TLN2: variants seen among roughly 807,000 people sequenced by gnomAD.
TLN2 encodes the protein talin 2, also known as talin-2.
A neutral mutation model predicts 294.7 loss-of-function variants in TLN2; 118 were observed. That is an observed-to-expected ratio of 0.40 (90% confidence interval 0.34 to 0.47). The LOEUF (loss-of-function observed/expected upper bound fraction) is 0.47. TLN2 is among the 20% of genes least tolerant of loss of function. The probability of loss-of-function intolerance (pLI) is 0.84; values close to 1 mark genes in which losing one functional copy is unlikely to be tolerated. For missense variants in TLN2, 3,083 were observed against 3,282.2 expected (o/e 0.94, Z 1.48); for synonymous variants, 1,431 against 1,304.5 (o/e 1.10, Z -2.09).
At chr15:62,729,046 G>T (rs1480494960) in intron 28 of TLN2, among the ~76,000 whole-genome samples, 2 of 152,132 alleles carry the variant, frequency 1.3e-5, no homozygotes, top group East Asian at 3.8e-4. Flanking sequence ...TCATTTAATT[G>T]TTTTTCCACA....
chr15:62,736,829 G>A (rs1048403447), intron 28 of TLN2, 49 bp from the exon 29 acceptor site: 8 of 1,585,768 alleles, frequency 5.0e-6, no homozygotes, highest in East Asian at 2.2e-5. Flanking sequence ...AGTAAAATGT[G>A]CCATTTAGAT....
chr15:62,469,623 C>T (rs1248730345), intron 1 of TLN2, among the ~76,000 whole-genome samples: 2 of 152,196 alleles, frequency 1.3e-5, no homozygotes, highest in African/African-American at 4.8e-5. Context: ...AAACTCTCCT[C>T]TTGTTCAGGC....
chr15:62,673,003 AT>A (rs535733243), intron 9 of TLN2, among the ~76,000 whole-genome samples: 1 of 151,416 alleles, frequency 6.6e-6, no homozygotes, highest in Non-Finnish European at 1.5e-5. Flanking sequence ...AGCAACCATA[AT>A]TACTCATTTA....
intron 2 of TLN2, among the ~76,000 whole-genome samples, chr15:62,597,411 C>T (rs1596297215): frequency 1.3e-5 from 2 of 152,312 alleles, no homozygotes; most frequent in East Asian, 3.9e-4. Context: ...CACCCTTTTG[C>T]CCCTCAGTGG....
At chr15:62,551,547 CAA>C (rs2042311458) in intron 1 of TLN2, among the ~76,000 whole-genome samples, 1 of 138,400 alleles carries the variant, frequency 7.2e-6, no homozygotes. Context: ...CACACACACA[CAA>C]ATAGCCAGAT....
intron 15 of TLN2, 149 bp downstream of exon 15, chr15:62,698,017 G>A: frequency 9.8e-7 from 1 of 1,023,840 alleles, no homozygotes; most frequent in Non-Finnish European, 1.4e-6. Flanking sequence ...TTTTTAAATT[G>A]GATGACTCGG....
intron 43 of TLN2, among the ~76,000 whole-genome samples, chr15:62,779,151 C>T (rs550963273): frequency 5.9e-5 from 9 of 152,190 alleles, no homozygotes; most frequent in African/African-American, 2.2e-4. Context: ...CACTGTGGAG[C>T]TTCTCTTTGA....
intron 35 of TLN2, 30 bp from the exon 36 acceptor site, chr15:62,753,743 T>C (rs1278483265): frequency 1.3e-6 from 2 of 1,582,384 alleles, no homozygotes; most frequent in Non-Finnish European, 8.6e-7. Flanking sequence ...GCACGGAGCC[T>C]GAGCTGTGGT....
chr15:62,556,483 CT>C (rs919005376), intron 1 of TLN2, among the ~76,000 whole-genome samples: 146 of 147,366 alleles, frequency 9.9e-4, no homozygotes, highest in Middle Eastern at 3.5e-3. Context: ...ATTTTTTGTA[CT>C]TTTTTTTTTG....
intron 1 of TLN2, among the ~76,000 whole-genome samples, chr15:62,545,514 T>TTGTGTGTGTGTG (rs56777565): frequency 0.073 from 10,658 of 145,898 alleles, 414 homozygotes; most frequent in Middle Eastern, 0.091. Context: ...TTCTTTCTCT[T>TTGTGTGTGTGTG]TGTGTGTGTG....
chr15:62,838,760 G>GACTC (rs1344660615), intron 57 of TLN2, 96 bp from the exon 58 acceptor site: 2 of 1,476,126 alleles, frequency 1.4e-6, no homozygotes, highest in East Asian at 2.3e-5. Flanking sequence ...ATAATCAATT[G>GACTC]ACTCATGGTC....
intron 1 of TLN2, among the ~76,000 whole-genome samples, chr15:62,528,657 T>C (rs778980420): frequency 2.6e-4 from 38 of 148,606 alleles, no homozygotes; most frequent in Non-Finnish European, 5.3e-4. Flanking sequence ...TTCTTGAGTG[T>C]ATCCAGAGCT....
At position 62,656,052 on chromosome 15, in the gene TLN2, G is replaced by C; in HGVS notation, c.626G>C (p.Arg209Thr). Residue 209 changes from arginine to threonine, a missense_variant, in exon 8 of 59, where the codon AGA becomes ACA. Physicochemically the swap from Arg to Thr is moderately conservative, Grantham distance 71. Transcript: ENST00000636159. ...FFYSDQNVDS[R>T]DPVQLNLLYV... Reference sequence around the variant, plus strand: ...TACTCTGATCAGAATGTAGATTCGAGAGACCCCGTGCAGCTGAACTTGCTT... The same window carrying C: ...TACTCTGATCAGAATGTAGATTCGACAGACCCCGTGCAGCTGAACTTGCTT... 2 of 1,614,172 alleles carry C rather than the reference G, an allele frequency of 1.2e-6. No homozygotes were observed. The highest frequency in any genetic ancestry group is 1.7e-6 in the Non-Finnish European group (2 of 1,180,034).
rs74979421 is a variant in TLN2, at chr15:62,405,786, G to A, written c.-238+15101G>A. Among the ~76,000 whole-genome samples, 101 of 152,280 alleles carry A rather than the reference G, an allele frequency of 6.6e-4. 1 individual carries two copies. The highest frequency in any genetic ancestry group is 2.2e-3 in the African/African-American group (93 of 41,552). ...GAGTAGAAGGGTACAAGCTGGCTGC[G>A]CAGGGATGGATTTTAACAGTAATAA... On this transcript the variant is annotated intron_variant, in intron 1 of 58. Transcript: ENST00000636159.
At chr15:62,509,658 C>T (rs748999286) in intron 1 of TLN2, among the ~76,000 whole-genome samples, 2 of 152,204 alleles carry the variant, frequency 1.3e-5, no homozygotes, top group African/African-American at 4.8e-5. Flanking sequence ...CTCCTTGTAA[C>T]GTCTCACTGA....
chr15:62,755,662 A>G lies in TLN2; in HGVS notation c.4607A>G (p.Asn1536Ser). ...HFVQSAKEVA[N>S]STANLVKTIK... ...GTCCAGTCAGCCAAGGAAGTCGCCA[A>G]CAGCACTGCCAACCTGGTGAAGACC... Residue 1536 changes from asparagine (N) to serine (S), a missense_variant, in exon 37 of 59, where the codon AAC (asparagine) becomes AGC (serine). Physicochemically the swap from Asn to Ser is conservative, Grantham distance 46 (BLOSUM62 1). Transcript: ENST00000636159. 2 of 1,614,262 alleles carry G rather than the reference A, an allele frequency of 1.2e-6. No individual in the cohort carries two copies. Among genetic ancestry groups the G allele is most frequent in the Non-Finnish European group, 1.7e-6 (2 of 1,180,042 alleles).
chr15:62,840,637 A>C lies in TLN2; in HGVS notation c.*27A>C. The C allele has an allele frequency of 6.2e-7, 1 of 1,610,572 alleles. No homozygotes were observed. Among genetic ancestry groups the C allele is most frequent in the African/African-American group, 1.3e-5 (1 of 74,834 alleles). On this transcript the variant is annotated 3_prime_UTR_variant, in exon 59 of 59. Coordinates refer to ENST00000636159, the MANE Select transcript of TLN2 (RefSeq NM_015059.3). ...GGTGCGAGCCCAGATGGCGAGCCCC[A>C]GGGGATGGCCCTGGCTGAACTGGAC...
At chr15:62,825,853 T>A (rs867257573) in intron 54 of TLN2, among the ~76,000 whole-genome samples, 704 of 69,686 alleles carry the variant, frequency 0.01, 10 homozygotes, top group South Asian at 0.036. Context: ...ATAAATATAT[T>A]ATATATATAT....
At chr15:62,603,141 C>T (rs1489109214) in intron 2 of TLN2, among the ~76,000 whole-genome samples, 1 of 152,140 alleles carries the variant, frequency 6.6e-6, no homozygotes, top group Non-Finnish European at 1.5e-5. Flanking sequence ...ATCCACCTGC[C>T]TCGGCCTCCC....
Sources: allele counts gnomAD v4.1 joint callset (sites outside exome capture counted in the v4.1 genomes callset), GRCh38; gene constraint gnomAD v4.1.1; transcripts MANE v1.5; gene names NCBI Gene and HGNC (gene_info 2026-07-23, HGNC 2026-07-21).